The following DRG1 variants were observed in gnomAD, a reference collection of about 807,000 sequenced individuals.
The protein encoded by DRG1 is developmentally-regulated GTP-binding protein 1.
Under a neutral mutation model 38.8 loss-of-function variants are expected in DRG1, and 19 were observed. That is an observed-to-expected ratio of 0.49 (90% CI 0.34 to 0.72). The LOEUF is 0.72. Among genes scored for constraint, DRG1 ranks in the 30% least tolerant of loss-of-function variants. The pLI, the probability that DRG1 is intolerant of heterozygous loss-of-function variation, is 0.01. For missense variants in DRG1, 299 were observed against 444.8 expected (o/e 0.67, Z 2.95); for synonymous variants, 167 against 157.5 (o/e 1.06, Z -0.45).
At chr22:31,428,317 T>C (rs548005533) in intron 8 of DRG1, among the ~76,000 whole-genome samples, 1 of 152,178 alleles carries the variant, frequency 6.6e-6, no homozygotes, top group South Asian at 2.1e-4. Flanking sequence ...GTTCATGCCA[T>C]TCTCCTGCCT....
chr22:31,402,140 T>TA (rs2049965122), intron 2 of DRG1, among the ~76,000 whole-genome samples: 1 of 151,742 alleles, frequency 6.6e-6, no homozygotes, highest in South Asian at 2.1e-4. Context: ...TAAAAATAAG[T>TA]AAAAAAATTG....
chr22:31,404,121 A>T (rs1415874578), intron 3 of DRG1, among the ~76,000 whole-genome samples: 1 of 148,020 alleles, frequency 6.8e-6, no homozygotes, highest in Non-Finnish European at 1.5e-5. Context: ...GACCTTAGAG[A>T]CCCCCAACTT....
At position 31,426,717 on chromosome 22, in the gene DRG1, C is replaced by T. The variant is rs748055812; in HGVS notation, c.816C>T (p.Ala272=). The T allele has an allele frequency of 6.2e-7, 1 of 1,614,110 alleles. No individual in the cohort carries two copies. Among genetic ancestry groups the T allele is most frequent in the Non-Finnish European group, 8.5e-7 (1 of 1,180,016 alleles). ...YKVPHCVPIS[A]HHRWNFDDLL... ...TGCCTCACTGTGTACCCATCTCTGC[C>T]CATCACCGCTGGAATTTTGATGACC... Residue 272 remains alanine, a synonymous_variant, in exon 7 of 9, where the codon GCC becomes GCT. Transcript: ENST00000331457.
rs1173561023 is a variant in DRG1, at chr22:31,426,378, C to T, written c.714-237C>T. The stretch of plus-strand genomic sequence containing the variant: ...AGCACTTCAAAGCTTGTGTTCTTTC[C>T]ACTGCAGTATGCTTTCCTAGCAGTT... On this transcript the variant is annotated intron_variant, in intron 6 of 8. Coordinates refer to ENST00000331457, the MANE Select transcript of DRG1 (RefSeq NM_004147.4). 4 of 405,464 alleles carry T rather than the reference C, an allele frequency of 9.9e-6. No homozygotes were observed. The Admixed American group carries it at 1.3e-4, about 13-fold the overall frequency. The allele number at this position is 405,464 out of a possible 1,614,324, so 25.1% of individuals were successfully genotyped here. A position where few individuals can be genotyped will look rare whatever the true frequency, so the allele number is the denominator to read the frequency against.
chr22:31,428,246 G>A (rs1356747305), intron 8 of DRG1, among the ~76,000 whole-genome samples: 1 of 149,452 alleles, frequency 6.7e-6, no homozygotes, highest in East Asian at 2.0e-4. Context: ...GAGTCTCGCT[G>A]TGTCGCCCAG....
chr22:31,414,587 C>T (rs375521567), intron 4 of DRG1, among the ~76,000 whole-genome samples: 6 of 152,086 alleles, frequency 3.9e-5, no homozygotes, highest in South Asian at 2.1e-4. Flanking sequence ...CCTTTCATCC[C>T]GCACATCTAC....
chr22:31,432,179 C>T (rs559157289), intron 8 of DRG1, among the ~76,000 whole-genome samples: 4 of 151,636 alleles, frequency 2.6e-5, no homozygotes, highest in East Asian at 3.9e-4. Context: ...TGGGCTCAAG[C>T]GATCCTCCCA....
chr22:31,424,116 C>G (rs1056790744), intron 6 of DRG1, among the ~76,000 whole-genome samples: 1 of 151,384 alleles, frequency 6.6e-6, no homozygotes, highest in South Asian at 2.1e-4. Flanking sequence ...CACCCCACCT[C>G]GGTCTCCCAA....
At chr22:31,433,733 C>T (rs2050155545) in intron 8 of DRG1, 139 bp from the exon 9 acceptor site, 7 of 639,172 alleles carry the variant, frequency 1.1e-5, no homozygotes, top group Non-Finnish European at 1.9e-5. Flanking sequence ...TCTCATGCTG[C>T]TAGGGAAGAT....
rs975157808 is a variant in DRG1 at position 31,399,670 on chromosome 22, G to A, written c.-14G>A. 1 of 1,613,946 alleles carries A rather than the reference G, an allele frequency of 6.2e-7. No homozygotes were observed. Among genetic ancestry groups the A allele is most frequent in the African/African-American group, 1.3e-5 (1 of 74,926 alleles). Reference sequence around the variant, plus strand: ...GAAGGGAGACAGTGTGGAGGCCACAGGGTACTCGCCACGATGAGCAGCACC... The same window carrying A: ...GAAGGGAGACAGTGTGGAGGCCACAAGGTACTCGCCACGATGAGCAGCACC... On this transcript the variant is annotated 5_prime_UTR_variant, in exon 1 of 9. Coordinates refer to ENST00000331457, the MANE Select transcript of DRG1 (RefSeq NM_004147.4).
At chr22:31,422,649 A>G (rs1269890999) in intron 5 of DRG1, among the ~76,000 whole-genome samples, 1 of 152,208 alleles carries the variant, frequency 6.6e-6, no homozygotes, top group African/African-American at 2.4e-5. Flanking sequence ...TGACTGGCAT[A>G]GGTTTCAGCT....
intron 3 of DRG1, among the ~76,000 whole-genome samples, chr22:31,407,521 A>T (rs1300266469): frequency 2.0e-5 from 3 of 152,052 alleles, no homozygotes; most frequent in African/African-American, 7.2e-5. Context: ...TTTTTTGTAG[A>T]GACAGAGTCT....
At chr22:31,411,778 G>A (rs1404849392) in intron 4 of DRG1, among the ~76,000 whole-genome samples, 3 of 151,442 alleles carry the variant, frequency 2.0e-5, no homozygotes, top group Non-Finnish European at 4.4e-5. Flanking sequence ...CAGTCTCCCA[G>A]AGTGCTGTCC....
In DRG1 at chr22:31,433,329, G is replaced by A. The variant is rs531154669; in HGVS notation, c.1005-543G>A. Reference sequence around the variant, plus strand: ...CTCGTTGCCCAACCTGGAGTGCAACGGCATGATCTTGGCTCACTGCAACCT... The same window carrying A: ...CTCGTTGCCCAACCTGGAGTGCAACAGCATGATCTTGGCTCACTGCAACCT... On this transcript the variant is annotated intron_variant, in intron 8 of 8. Transcript: ENST00000331457. 1.4e-3 allele frequency among the ~76,000 whole-genome samples: 198 copies of A among 145,744 alleles called. 1 individual carries two copies. Among genetic ancestry groups the A allele is most frequent in the Non-Finnish European group, 2.4e-3 (161 of 67,248 alleles).
chr22:31,407,679 A>ATT (rs2049996075), intron 3 of DRG1, among the ~76,000 whole-genome samples: 2 of 115,832 alleles, frequency 1.7e-5, no homozygotes, highest in East Asian at 3.0e-4. Flanking sequence ...TTTTATTTTC[A>ATT]TTTTTCTTTT....
chr22:31,426,842 A>G, intron 7 of DRG1, 60 bp downstream of exon 7: 1 of 1,568,134 alleles, frequency 6.4e-7, no homozygotes, highest in Non-Finnish European at 8.6e-7. Flanking sequence ...TCCTAAAATG[A>G]TACTTTCTGG....
At chr22:31,424,811 C>CT (rs11421035) in intron 6 of DRG1, among the ~76,000 whole-genome samples, 3,337 of 33,544 alleles carry the variant, frequency 0.099, 334 homozygotes, top group African/African-American at 0.16. Context: ...CCCCCCCCCC[C>CT]TTTTTTTTTT....
intron 8 of DRG1, among the ~76,000 whole-genome samples, chr22:31,433,174 G>A (rs1356002678): frequency 6.6e-6 from 1 of 151,678 alleles, no homozygotes; most frequent in Non-Finnish European, 1.5e-5. Context: ...AGGAAACCCA[G>A]CAAAAACAGG....
At chr22:31,410,917 A>T in intron 3 of DRG1, 95 bp from the exon 4 acceptor site, 1 of 1,299,942 alleles carries the variant, frequency 7.7e-7, no homozygotes, top group Non-Finnish European at 1.1e-6. Context: ...CTGATAAATT[A>T]TAGGTACTTG....
Sources: gnomAD v4.1 joint callset for allele counts (sites outside exome capture counted in the v4.1 genomes callset) on GRCh38, gnomAD v4.1.1 for gene constraint, MANE v1.5 for transcripts, NCBI Gene and HGNC (gene_info 2026-07-23, HGNC 2026-07-21) for gene names.